The following ANKFN1 variants were observed in gnomAD, a reference collection of about 807,000 sequenced individuals.
The protein encoded by ANKFN1 is ankyrin repeat and fibronectin type-III domain-containing protein 1.
In ANKFN1, 74 loss-of-function variants were observed where a neutral mutation model predicts 108.7. The ratio of observed to expected loss-of-function variants is 0.68; its 90% CI spans 0.56 to 0.83. The LOEUF is 0.83. Among genes scored for constraint, ANKFN1 ranks in the 40% least tolerant of loss-of-function variants. ANKFN1 has a pLI of 0.00. For missense variants in ANKFN1, 1,505 were observed against 1,382.3 expected, an observed-to-expected ratio of 1.09 and a Z score of -1.41; for synonymous variants, 547 against 516.2, an observed-to-expected ratio of 1.06 and a Z score of -0.81.
At chr17:56,154,280 T>A (rs1908875494) in intron 1 of ANKFN1, among the ~76,000 whole-genome samples, 1 of 152,150 alleles carries the variant, frequency 6.6e-6, no homozygotes, top group African/African-American at 2.4e-5. Flanking sequence ...CTGGCTGAGG[T>A]CCTGGTAGGG....
In ANKFN1 at chr17:56,383,656, C is replaced by T. The variant is rs534377567; in HGVS notation, c.910+8942C>T. Among the ~76,000 whole-genome samples the T allele has an allele frequency of 4.3e-4, 66 of 152,196 alleles. No individual in the cohort carries two copies. The East Asian group carries it at 7.5e-3, about 17-fold the overall frequency. ...AAAATGATAAAGGGGATATCACCAC[C>T]GATCCCACAGAAATACAAACTACCA... On this transcript the variant is annotated intron_variant, in intron 8 of 20. Transcript: ENST00000682825.
intron 18 of ANKFN1, among the ~76,000 whole-genome samples, chr17:56,487,405 A>G (rs2145399854): frequency 6.6e-6 from 1 of 152,148 alleles, no homozygotes; most frequent in East Asian, 1.9e-4. Flanking sequence ...GCCTGCACAG[A>G]GGAGGTCACC....
rs554885540 is a variant in ANKFN1, at chr17:56,372,952, G to A, written c.796+112G>A. ...CAGCTCTACAGAGTCATGGATGGCCGTTGTCAGCCTGTATGGAGCAAGGGC... is the reference window on the plus strand; with the variant it reads ...CAGCTCTACAGAGTCATGGATGGCCATTGTCAGCCTGTATGGAGCAAGGGC... On this transcript the variant is annotated intron_variant, in intron 7 of 20. Transcript: ENST00000682825. 116 of 1,091,710 alleles carry A rather than the reference G, an allele frequency of 1.1e-4. No individual in the cohort carries two copies. The Middle Eastern group carries it at 1.1e-3, about 11-fold the overall frequency. 67.6% of individuals were successfully genotyped at this position (1,091,710 alleles called of 1,614,324 possible).
intron 1 of ANKFN1, among the ~76,000 whole-genome samples, chr17:56,182,054 A>G (rs182372049): frequency 2.6e-3 from 395 of 152,296 alleles, no homozygotes; most frequent in Non-Finnish European, 4.3e-3. Context: ...TAATCAACAA[A>G]TGCATGTACT....
upstream of ANKFN1, among the ~76,000 whole-genome samples, chr17:56,150,769 A>G (rs1184266361): frequency 6.6e-6 from 1 of 152,048 alleles, no homozygotes; most frequent in African/African-American, 2.4e-5. Context: ...CTCTCATTCC[A>G]TGATGTCTCG....
chr17:56,476,324 A>T (rs2050498358), intron 15 of ANKFN1, among the ~76,000 whole-genome samples: 2 of 152,178 alleles, frequency 1.3e-5, no homozygotes, highest in Admixed American at 1.3e-4. Flanking sequence ...ATTATTCGTT[A>T]TCTGAGTCCC....
At chr17:56,216,048 G>A (rs1408228543) in intron 2 of ANKFN1, among the ~76,000 whole-genome samples, 3 of 152,172 alleles carry the variant, frequency 2.0e-5, no homozygotes, top group Admixed American at 2.0e-4. Flanking sequence ...CCTGTTAGAA[G>A]GGTTTTAGAG....
At chr17:56,170,775 TATA>T (rs1402873500) in intron 1 of ANKFN1, among the ~76,000 whole-genome samples, 33 of 50,280 alleles carry the variant, frequency 6.6e-4, no homozygotes, top group East Asian at 2.0e-3. Context: ...AAAAATTTTT[TATA>T]TATATATATA....
At chr17:56,405,518 G>A (rs2047894325) in intron 8 of ANKFN1, among the ~76,000 whole-genome samples, 1 of 152,040 alleles carries the variant, frequency 6.6e-6, no homozygotes, top group South Asian at 2.1e-4. Context: ...TCTTTGACCT[G>A]GTAATTCTAA....
intron 19 of ANKFN1, among the ~76,000 whole-genome samples, chr17:56,494,523 T>A (rs757316977): frequency 2.0e-5 from 3 of 151,828 alleles, no homozygotes. Flanking sequence ...GCCCAGAAGT[T>A]CAAGACCAGC....
chr17:56,232,344 T>C (rs888674390), intron 3 of ANKFN1, among the ~76,000 whole-genome samples: 2 of 152,218 alleles, frequency 1.3e-5, no homozygotes, highest in East Asian at 3.9e-4. Flanking sequence ...GAAATTCTCG[T>C]TCTGGTGTGT....
At chr17:56,067,232 T>TTA (rs146597685) in intron 4 of ANKFN1, among the ~76,000 whole-genome samples, 14 of 151,882 alleles carry the variant, frequency 9.2e-5, no homozygotes, top group Admixed American at 3.3e-4. Flanking sequence ...TAGTACTCCA[T>TTA]TATATATATA....
intron 1 of ANKFN1, among the ~76,000 whole-genome samples, chr17:56,203,857 A>G (rs564867236): frequency 3.9e-5 from 6 of 152,264 alleles, no homozygotes; most frequent in South Asian, 2.1e-4. Flanking sequence ...AGCCCGGGGC[A>G]TCTATTTTTA....
At chr17:56,315,201 T>C (rs1395040709) in intron 3 of ANKFN1, among the ~76,000 whole-genome samples, 3 of 152,240 alleles carry the variant, frequency 2.0e-5, no homozygotes, top group Non-Finnish European at 4.4e-5. Context: ...TTCTCACTAA[T>C]ATAGCTGGAG....
intron 10 of ANKFN1, among the ~76,000 whole-genome samples, chr17:56,445,985 TA>T (rs1465745545): frequency 6.6e-6 from 1 of 152,216 alleles, no homozygotes; most frequent in Non-Finnish European, 1.5e-5. Flanking sequence ...GATTTCTTAA[TA>T]TATTTTCAAT....
At chr17:56,326,399 C>A (rs770021955) in intron 4 of ANKFN1, 44 bp downstream of exon 4, 24 of 1,578,812 alleles carry the variant, frequency 1.5e-5, no homozygotes, top group Admixed American at 9.4e-5. Context: ...GAATATGGAG[C>A]TTTCTTAATT....
intron 4 of ANKFN1, among the ~76,000 whole-genome samples, chr17:56,144,285 A>G (rs1189322400): frequency 6.6e-6 from 1 of 152,122 alleles, no homozygotes; most frequent in East Asian, 1.9e-4. Context: ...GAAATCATGA[A>G]GGGCTCCATG....
intron 8 of ANKFN1, among the ~76,000 whole-genome samples, chr17:56,438,959 G>A (rs991419369): frequency 6.6e-6 from 1 of 152,164 alleles, no homozygotes. Context: ...GGCAGTTAAT[G>A]CAAAAGAGAA....
chr17:56,064,470 G>A (rs943063075), intron 4 of ANKFN1, among the ~76,000 whole-genome samples: 10 of 152,234 alleles, frequency 6.6e-5, no homozygotes, highest in African/African-American at 2.2e-4. Flanking sequence ...GCCCAGTGAG[G>A]AAGGATGAGC....
Sources: allele counts gnomAD v4.1 joint callset (sites outside exome capture counted in the v4.1 genomes callset), GRCh38; gene constraint gnomAD v4.1.1; transcripts MANE v1.5; gene names NCBI Gene and HGNC (gene_info 2026-07-23, HGNC 2026-07-21).